The following MYO5B variants were observed in gnomAD, a reference collection of about 807,000 sequenced individuals.
The protein encoded by MYO5B is unconventional myosin-Vb.
Under a neutral mutation model 229.3 loss-of-function variants are expected in MYO5B, and 143 were observed. The ratio of observed to expected loss-of-function variants is 0.62; its 90% CI spans 0.54 to 0.72. MYO5B has a LOEUF of 0.72. Among genes scored for constraint, MYO5B ranks in the 30% least tolerant of loss-of-function variants. The probability of loss-of-function intolerance (pLI) is 0.00; values close to 1 mark genes in which losing one functional copy is unlikely to be tolerated. For missense variants in MYO5B, 2,321 were observed against 2,331.0 expected (o/e 1.00, Z 0.09); for synonymous variants, 918 against 885.2 (o/e 1.04, Z -0.66).
chr18:50,023,378 G>A (rs747977511), intron 4 of MYO5B, among the ~76,000 whole-genome samples: 4 of 152,132 alleles, frequency 2.6e-5, no homozygotes, highest in Admixed American at 6.5e-5. Context: ...AAGCTGCGGC[G>A]TGACCACAGT....
chr18:50,151,769 G>C (rs1457364453), intron 1 of MYO5B, among the ~76,000 whole-genome samples: 1 of 152,074 alleles, frequency 6.6e-6, no homozygotes, highest in African/African-American at 2.4e-5. Context: ...CCTGGAGTCT[G>C]TACTCGGATG....
chr18:49,922,245 C>T (rs1443422678), intron 17 of MYO5B, among the ~76,000 whole-genome samples: 1 of 152,188 alleles, frequency 6.6e-6, no homozygotes, highest in Non-Finnish European at 1.5e-5. Context: ...CTTGCTTTAT[C>T]CCCAGACACA....
chr18:49,966,539 A>G (rs369469946), intron 10 of MYO5B, among the ~76,000 whole-genome samples: 1 of 152,302 alleles, frequency 6.6e-6, no homozygotes, highest in East Asian at 1.9e-4. Flanking sequence ...GCCAAGCCCC[A>G]GAGGAAATTG....
intron 1 of MYO5B, among the ~76,000 whole-genome samples, chr18:50,176,310 G>A (rs1040508845): frequency 6.6e-6 from 1 of 152,182 alleles, no homozygotes; most frequent in African/African-American, 2.4e-5. Flanking sequence ...TGCCTAAACA[G>A]ACTCCCTCCT....
At chr18:50,093,991 T>C (rs190216257) in intron 1 of MYO5B, among the ~76,000 whole-genome samples, 7 of 152,320 alleles carry the variant, frequency 4.6e-5, no homozygotes, top group South Asian at 2.1e-4. Flanking sequence ...CCAGCAGCCC[T>C]TGGGGCTTCT....
chr18:50,030,400 T>C (rs528983359), intron 4 of MYO5B, among the ~76,000 whole-genome samples: 5 of 152,282 alleles, frequency 3.3e-5, no homozygotes, highest in African/African-American at 9.6e-5. Flanking sequence ...CTTCCACTCA[T>C]ACTATCAGCC....
chr18:49,906,348 T>C (rs1218170009), intron 19 of MYO5B, 71 bp downstream of exon 19: 2 of 1,455,896 alleles, frequency 1.4e-6, no homozygotes, highest in Non-Finnish European at 9.6e-7. Context: ...AGAAGCCAAG[T>C]AGCTGAGAAA....
At chr18:50,116,103 A>G (rs71357222) in intron 1 of MYO5B, among the ~76,000 whole-genome samples, 242 of 152,332 alleles carry the variant, frequency 1.6e-3, no homozygotes, top group Admixed American at 3.1e-3. Context: ...AAACAAAATT[A>G]GGAAAAACTG....
At chr18:49,954,517 T>C in intron 12 of MYO5B, 82 bp from the exon 13 acceptor site, 2 of 1,573,574 alleles carry the variant, frequency 1.3e-6, no homozygotes, top group Non-Finnish European at 8.7e-7. Flanking sequence ...ATGGGACCAG[T>C]AGGCTGGCTC....
chr18:49,838,747 A>G (rs1306847283), intron 36 of MYO5B, among the ~76,000 whole-genome samples: 1 of 152,330 alleles, frequency 6.6e-6, no homozygotes, highest in East Asian at 1.9e-4. Context: ...ATACTGATGC[A>G]TCGTGCCGAC....
At chr18:50,137,776 A>G (rs2032357039) in intron 1 of MYO5B, among the ~76,000 whole-genome samples, 1 of 152,252 alleles carries the variant, frequency 6.6e-6, no homozygotes, top group Non-Finnish European at 1.5e-5. Flanking sequence ...CGTGGTACAC[A>G]TACACCATGG....
At chr18:50,038,973 C>A (rs981524525) in intron 3 of MYO5B, among the ~76,000 whole-genome samples, 2 of 152,138 alleles carry the variant, frequency 1.3e-5, no homozygotes, top group African/African-American at 2.4e-5. Context: ...AACTTGCTAT[C>A]GACAGCTCCT....
chr18:49,974,540 G>T lies in MYO5B; in HGVS notation c.1132C>A (p.His378Asn). ...TCCGAGGTGGTGACCAGCTTGCGAT[G>T]ACACAGCCAGTGCTCCATCTGACTG... is the stretch of plus-strand genomic sequence containing the variant. ...EHSQMEHWLC[H>N]RKLVTTSETY... The change falls in exon 10 of 40, where the codon CAT (histidine) becomes AAT (asparagine). Residue 378 changes from histidine to asparagine, a missense_variant. Physicochemically the swap from His to Asn is moderately conservative, Grantham distance 68. Around this residue, in one of 2 missense-constraint regions of MYO5B, gnomAD observed 2,113 missense variants for 2,044.7 expected, o/e 1.03. Transcript: ENST00000285039. 1 of 1,614,170 alleles carries T rather than the reference G, an allele frequency of 6.2e-7. No individual in the cohort carries two copies. The highest frequency in any genetic ancestry group is 1.1e-5 in the South Asian group (1 of 91,070).
At chr18:50,122,438 C>CAAAAAAAAAA (rs1328652260) in intron 1 of MYO5B, among the ~76,000 whole-genome samples, 1 of 5,378 alleles carries the variant, frequency 1.9e-4, no homozygotes, top group African/African-American at 5.4e-4. Context: ...CCTGTCTCAA[C>CAAAAAAAAAA]TAAAAAAAAA....
At chr18:50,115,353 C>G (rs912036014) in intron 1 of MYO5B, among the ~76,000 whole-genome samples, 1 of 152,214 alleles carries the variant, frequency 6.6e-6, no homozygotes, top group African/African-American at 2.4e-5. Flanking sequence ...GGAATTCAAT[C>G]TTACGGCTAG....
At chr18:49,874,618 G>T (rs1427793682) in intron 26 of MYO5B, among the ~76,000 whole-genome samples, 1 of 152,176 alleles carries the variant, frequency 6.6e-6, no homozygotes, top group African/African-American at 2.4e-5. Flanking sequence ...GATTGCAAAG[G>T]GAATACAGGT....
chr18:49,928,642 G>T (rs1386857597), intron 17 of MYO5B, among the ~76,000 whole-genome samples: 2 of 152,174 alleles, frequency 1.3e-5, no homozygotes, highest in Non-Finnish European at 2.9e-5. Flanking sequence ...CAGAGGAAAA[G>T]AAGTCGTTAT....
intron 2 of MYO5B, among the ~76,000 whole-genome samples, chr18:50,042,071 C>G (rs2030032332): frequency 6.6e-6 from 1 of 152,160 alleles, no homozygotes; most frequent in Admixed American, 6.6e-5. Context: ...AAGACCCTAA[C>G]AAGGAAGAGG....
chr18:50,126,019 G>A (rs1395213424), intron 1 of MYO5B, among the ~76,000 whole-genome samples: 1 of 152,162 alleles, frequency 6.6e-6, no homozygotes, highest in Non-Finnish European at 1.5e-5. Context: ...CTGTTTAATG[G>A]GTGCAGAGAT....
Sources: allele counts gnomAD v4.1 joint callset (sites outside exome capture counted in the v4.1 genomes callset), GRCh38; gene constraint gnomAD v4.1.1; regional missense constraint gnomAD v4.1.1; transcripts MANE v1.5; gene names NCBI Gene and HGNC (gene_info 2026-07-23, HGNC 2026-07-21).